The following CYRIB variants were observed in gnomAD, a reference collection of about 807,000 sequenced individuals.
CYRIB encodes CYFIP related Rac1 interactor B, also known as CYFIP-related Rac1 interactor B.
In CYRIB, 8 loss-of-function variants were observed where a neutral mutation model predicts 44.2. The observed-to-expected ratio is 0.18, with a 90% confidence interval of 0.11 to 0.33. The LOEUF is 0.33. Among genes scored for constraint, CYRIB ranks in the 10% least tolerant of loss-of-function variants. The pLI, the probability that CYRIB is intolerant of heterozygous loss-of-function variation, is 1.00. For synonymous variants in CYRIB, 131 were observed against 127.2 expected, an observed-to-expected ratio of 1.03 and a Z score of -0.20; for missense variants, 185 against 382.8, an observed-to-expected ratio of 0.48 and a Z score of 4.31.
chr8:129,957,964 CAAA>C (rs371857313), intron 2 of CYRIB, among the ~76,000 whole-genome samples: 12 of 103,758 alleles, frequency 1.2e-4, no homozygotes, highest in East Asian at 2.9e-4. Context: ...GACTCCATCT[CAAA>C]AAAAAAAAAA....
At chr8:129,849,346 T>C in exon 10 of CYRIB, 1 of 1,612,988 alleles carries the variant, frequency 6.2e-7, no homozygotes, top group Non-Finnish European at 8.5e-7. Context: ...TGTCTCTTCA[T>C]TTGTAAATCT....
At chr8:129,921,652 A>C (rs1034233578) in intron 1 of CYRIB, among the ~76,000 whole-genome samples, 3 of 152,178 alleles carry the variant, frequency 2.0e-5, no homozygotes, top group Non-Finnish European at 4.4e-5. Context: ...TGAAGGATAA[A>C]ATTTAGTATC....
chr8:130,009,382 C>T (rs1009671902), intron 1 of CYRIB, among the ~76,000 whole-genome samples: 5 of 151,744 alleles, frequency 3.3e-5, no homozygotes, highest in Non-Finnish European at 5.9e-5. Context: ...ATTCTCCTGC[C>T]TCAGCCTCCC....
intron 1 of CYRIB, among the ~76,000 whole-genome samples, chr8:129,919,053 A>C (rs1361432547): frequency 2.0e-5 from 3 of 152,210 alleles, no homozygotes; most frequent in Non-Finnish European, 4.4e-5. Flanking sequence ...TTTTTTTAAG[A>C]GATGGGTTTT....
chr8:130,006,337 C>T (rs921704070), intron 1 of CYRIB, among the ~76,000 whole-genome samples: 6 of 150,222 alleles, frequency 4.0e-5, no homozygotes, highest in South Asian at 2.1e-4. Context: ...TCTGGCTTGC[C>T]GGGTACAGTG....
intron 1 of CYRIB, among the ~76,000 whole-genome samples, chr8:129,987,379 C>T (rs2096493681): frequency 6.6e-6 from 1 of 152,094 alleles, no homozygotes; most frequent in Non-Finnish European, 1.5e-5. Context: ...TACTAGGTCC[C>T]ACTTCCTACC....
intron 1 of CYRIB, among the ~76,000 whole-genome samples, chr8:129,985,282 A>T (rs980829217): frequency 1.4e-4 from 21 of 152,348 alleles, no homozygotes; most frequent in Non-Finnish European, 2.9e-4. Flanking sequence ...GCTGGCAGCA[A>T]GTACTAACAG....
At chr8:129,903,429 T>G (rs2073401028) in intron 1 of CYRIB, 79 bp from the exon 4 acceptor site, 1 of 152,620 alleles carries the variant, frequency 6.6e-6, no homozygotes, top group Non-Finnish European at 1.5e-5. Context: ...CAGTTAACTT[T>G]AAAGTTTACG....
chr8:130,011,757 C>T (rs1311488378), intron 1 of CYRIB, among the ~76,000 whole-genome samples: 6 of 151,970 alleles, frequency 3.9e-5, no homozygotes, highest in East Asian at 1.9e-4. Context: ...GGCATGAATC[C>T]GGGAGGCGGA....
At chr8:129,862,953 A>T (rs1259618781) in intron 4 of CYRIB, among the ~76,000 whole-genome samples, 1 of 152,210 alleles carries the variant, frequency 6.6e-6, no homozygotes, top group Non-Finnish European at 1.5e-5. Context: ...ATGAAAATTT[A>T]AAAATGATCC....
chr8:129,994,391 T>A (rs1016407333), intron 1 of CYRIB, among the ~76,000 whole-genome samples: 2 of 152,094 alleles, frequency 1.3e-5, no homozygotes, highest in African/African-American at 4.8e-5. Flanking sequence ...GTCTGTTGAG[T>A]CCCCAGTTTG....
At chr8:129,946,834 T>C (rs1056712518) in intron 2 of CYRIB, among the ~76,000 whole-genome samples, 9 of 152,336 alleles carry the variant, frequency 5.9e-5, no homozygotes, top group Admixed American at 3.9e-4. Context: ...AGGGTGCCAC[T>C]GCATCACATT....
At chr8:130,011,023 G>A (rs1223286313) in intron 1 of CYRIB, among the ~76,000 whole-genome samples, 1 of 152,112 alleles carries the variant, frequency 6.6e-6, no homozygotes, top group African/African-American at 2.4e-5. Context: ...CTACCACCTA[G>A]AAGCCTCCGG....
chr8:129,893,917 A>ATT (rs1320360487), intron 2 of CYRIB, among the ~76,000 whole-genome samples: 1 of 152,050 alleles, frequency 6.6e-6, no homozygotes, highest in Non-Finnish European at 1.5e-5. Flanking sequence ...CATAAACAAT[A>ATT]CAGTATTGTT....
At chr8:129,951,971 A>T (rs1288900864) in intron 2 of CYRIB, among the ~76,000 whole-genome samples, 1 of 152,250 alleles carries the variant, frequency 6.6e-6, no homozygotes, top group African/African-American at 2.4e-5. Flanking sequence ...CATTGAATTT[A>T]AAAATGTGAA....
At chr8:129,927,072 C>T (rs183880197) in intron 1 of CYRIB, among the ~76,000 whole-genome samples, 14 of 152,042 alleles carry the variant, frequency 9.2e-5, no homozygotes, top group Admixed American at 9.2e-4. Context: ...CACTTGAGAT[C>T]AGGAGTTTGA....
Position 129,850,815 on chromosome 8 carries a change from A to G in CYRIB, c.713+20T>C, listed in dbSNP as rs773903442. 1 of 1,583,742 alleles carries G rather than the reference A, an allele frequency of 6.3e-7. No individual in the cohort carries two copies. Among genetic ancestry groups the G allele is most frequent in the Non-Finnish European group, 8.7e-7 (1 of 1,153,640 alleles). On this transcript the variant is annotated intron_variant, in intron 9 of 11. Coordinates refer to ENST00000519824, the Ensembl canonical transcript of CYRIB. ...ATCTCAACAGCACTGTTAAAGTGAA[A>G]AAGATCAGCTGATACTCACGGTGTT...
intron 2 of CYRIB, among the ~76,000 whole-genome samples, chr8:129,965,319 GT>G (rs2095430188): frequency 1.3e-5 from 2 of 152,062 alleles, no homozygotes; most frequent in African/African-American, 4.8e-5. Context: ...GCATGAGTAT[GT>G]GTGTGGGTGG....
At chr8:129,848,260 T>C (rs1054989532) in intron 10 of CYRIB, among the ~76,000 whole-genome samples, 8 of 152,180 alleles carry the variant, frequency 5.3e-5, no homozygotes, top group African/African-American at 1.9e-4. Flanking sequence ...CTCATTTCTC[T>C]TTACATATGA....
Sources: gnomAD v4.1 joint callset for allele counts (sites outside exome capture counted in the v4.1 genomes callset) on GRCh38, gnomAD v4.1.1 for gene constraint, MANE v1.5 for transcripts, NCBI Gene and HGNC (gene_info 2026-07-23, HGNC 2026-07-21) for gene names.